Variants in METTL16 observed in about 807,000 individuals in gnomAD.
METTL16 encodes the protein RNA N(6)-adenosine-methyltransferase METTL16.
In METTL16, 19 loss-of-function variants were observed where a neutral mutation model predicts 57.9. The ratio of observed to expected loss-of-function variants is 0.33; its 90% CI spans 0.23 to 0.48. The LOEUF is 0.48. Ranked by LOEUF, METTL16 falls within the 20% of genes least tolerant of loss-of-function variation. The probability of loss-of-function intolerance (pLI) is 0.99; values close to 1 mark genes in which losing one functional copy is unlikely to be tolerated. For synonymous variants in METTL16, 246 were observed against 255.6 expected (o/e 0.96, Z 0.36); for missense variants, 434 against 691.5 (o/e 0.63, Z 4.18).
At chr17:2,494,876 T>A (rs897796090) in intron 2 of METTL16, among the ~76,000 whole-genome samples, 3 of 151,962 alleles carry the variant, frequency 2.0e-5, no homozygotes, top group African/African-American at 7.3e-5. Context: ...CGTGCACCTG[T>A]AGTCCCAGAT....
intron 2 of METTL16, among the ~76,000 whole-genome samples, chr17:2,500,197 A>T (rs2067477171): frequency 6.6e-6 from 1 of 152,198 alleles, no homozygotes; most frequent in African/African-American, 2.4e-5. Flanking sequence ...CTCCATTTCT[A>T]AAGCTATAAG....
At position 2,468,845 on chromosome 17, in the gene METTL16, G is replaced by A. The variant is rs189266121; in HGVS notation, c.470-969C>T. On this transcript the variant is annotated intron_variant, in intron 4 of 9. Coordinates refer to ENST00000263092, the MANE Select transcript of METTL16 (RefSeq NM_024086.4). ...TGAGGCTGCAGCGAGCCATGATCACGCCACGGCACACCGGCATGGATGACA... is the reference window on the plus strand; with the variant it reads ...TGAGGCTGCAGCGAGCCATGATCACACCACGGCACACCGGCATGGATGACA... Among the ~76,000 whole-genome samples the A allele has an allele frequency of 3.4e-3, 523 of 152,222 alleles. 10 individuals carry two copies. Among genetic ancestry groups the A allele is most frequent in the Non-Finnish European group, 7.4e-4 (50 of 68,014 alleles).
chr17:2,471,975 G>A (rs930567543), intron 4 of METTL16, among the ~76,000 whole-genome samples: 2 of 151,598 alleles, frequency 1.3e-5, no homozygotes, highest in Admixed American at 6.6e-5. Context: ...TTAGCTGGGC[G>A]TGGTGGCAGG....
At chr17:2,474,386 G>GAAAAAAAAAGAAAAAAAAA (rs2067255495) in intron 3 of METTL16, among the ~76,000 whole-genome samples, 1 of 60,228 alleles carries the variant, frequency 1.7e-5, no homozygotes, top group Non-Finnish European at 4.0e-5. Context: ...GAAACAAAAA[G>GAAAAAAAAAGAAAAAAAAA]AAAAAAAAAA....
At chr17:2,467,300 G>A (rs1360295604) in intron 5 of METTL16, among the ~76,000 whole-genome samples, 2 of 152,266 alleles carry the variant, frequency 1.3e-5, no homozygotes, top group South Asian at 4.1e-4. Flanking sequence ...GACTGCTTGA[G>A]TCCGGATGTT....
chr17:2,488,738 T>A (rs2067362092), intron 2 of METTL16, among the ~76,000 whole-genome samples: 2 of 152,176 alleles, frequency 1.3e-5, no homozygotes, highest in Non-Finnish European at 2.9e-5. Context: ...CATGAAAAGG[T>A]TCTAGAAATC....
intron 6 of METTL16, among the ~76,000 whole-genome samples, chr17:2,451,016 G>C (rs2067064949): frequency 6.6e-6 from 1 of 152,008 alleles, no homozygotes; most frequent in Non-Finnish European, 1.5e-5. Flanking sequence ...ATTGAAGACT[G>C]GCAATCTGGT....
At chr17:2,501,496 T>C (rs538544951) in intron 2 of METTL16, among the ~76,000 whole-genome samples, 1 of 152,254 alleles carries the variant, frequency 6.6e-6, no homozygotes, top group South Asian at 2.1e-4. Flanking sequence ...AATAATAATA[T>C]CTGTGAAATC....
In METTL16 at chr17:2,420,196, T is replaced by G. The variant is rs1392585439; in HGVS notation, c.1463A>C (p.Gln488Pro). Residue 488 changes from glutamine to proline, a missense_variant, in exon 10 of 10, where the codon CAG becomes CCG. Around this residue, in one of 5 missense-constraint regions of METTL16, gnomAD observed 168 missense variants for 149.6 expected, o/e 1.12. Transcript: ENST00000263092. This position sits in a 1 kb window ranked among gnomAD's most constrained non-coding sequence, Gnocchi z 5.4. ...GAACTGCTCAGAAGCCTCTTGGTCC[T>G]GGGCTCCGTTGCTAGAGCCTTGACA... ...ESCQGSSNGA[Q>P]DQEASEQFGS... The G allele has an allele frequency of 6.2e-7, 1 of 1,614,234 alleles. No individual in the cohort carries two copies. Among genetic ancestry groups the G allele is most frequent in the Non-Finnish European group, 8.5e-7 (1 of 1,180,032 alleles).
chr17:2,473,406 G>A, intron 4 of METTL16, 118 bp downstream of exon 4: 1 of 1,137,766 alleles, frequency 8.8e-7, no homozygotes, highest in Non-Finnish European at 1.2e-6. Context: ...ATTACAAAGT[G>A]CCAGATTTTT....
At chr17:2,472,767 T>C (rs1357308045) in intron 4 of METTL16, among the ~76,000 whole-genome samples, 1 of 152,176 alleles carries the variant, frequency 6.6e-6, no homozygotes, top group African/African-American at 2.4e-5. Context: ...TACTGTATGA[T>C]TCCAATTATA....
At chr17:2,434,731 T>C (rs1006018834) in intron 8 of METTL16, among the ~76,000 whole-genome samples, 1 of 152,172 alleles carries the variant, frequency 6.6e-6, no homozygotes, top group Non-Finnish European at 1.5e-5. Context: ...AGCTCCAACA[T>C]GCACAAAGTT....
chr17:2,447,206 A>C (rs528796504), intron 6 of METTL16, among the ~76,000 whole-genome samples: 2,030 of 144,100 alleles, frequency 0.014, 24 homozygotes, highest in Non-Finnish European at 0.018. Flanking sequence ...CCATCGTCTG[A>C]GATGTGGGGA....
intron 6 of METTL16, among the ~76,000 whole-genome samples, chr17:2,442,833 T>C (rs1371394818): frequency 6.9e-6 from 1 of 144,214 alleles, no homozygotes; most frequent in Non-Finnish European, 1.5e-5. Context: ...ACTTCAATAG[T>C]TCTTTTTTTT....
intron 6 of METTL16, among the ~76,000 whole-genome samples, chr17:2,444,011 G>T (rs76411464): frequency 0.012 from 1,768 of 152,290 alleles, 48 homozygotes; most frequent in African/African-American, 0.04. Context: ...ATTGCTAAAA[G>T]ATTAGACTTA....
rs1225863174 is a variant in METTL16 at position 2,416,621 on chromosome 17, A to C, written c.*3349T>G. On this transcript the variant is annotated 3_prime_UTR_variant, in exon 10 of 10. Transcript: ENST00000263092. ...GAGGCAAAGCAGATTCCGAAGAACA[A>C]AAGCAGCTTTAGTTTGCCTGGGCAA... 1 of 152,266 alleles carries C rather than the reference A, an allele frequency of 6.6e-6. No homozygotes were observed. Among genetic ancestry groups the C allele is most frequent in the African/African-American group, 2.4e-5 (1 of 41,448 alleles). 9.4% of individuals were successfully genotyped at this position (152,266 alleles called of 1,614,324 possible).
intron 3 of METTL16, among the ~76,000 whole-genome samples, chr17:2,475,890 T>G (rs575726737): frequency 6.6e-6 from 1 of 152,312 alleles, no homozygotes; most frequent in African/African-American, 2.4e-5. Flanking sequence ...TTTAGAGGGT[T>G]TGGGGCATAA....
Position 2,508,093 on chromosome 17 carries a change from C to T in METTL16, c.-1+3666G>A, listed in dbSNP as rs946858105. Among the ~76,000 whole-genome samples the T allele has an allele frequency of 4.0e-5, 6 of 149,968 alleles. No individual in the cohort carries two copies. In the East Asian group the frequency reaches 5.9e-4, roughly 15 times the overall value. On this transcript the variant is annotated intron_variant, in intron 1 of 9. Coordinates refer to ENST00000263092, the MANE Select transcript of METTL16 (RefSeq NM_024086.4). ...TTGTCCTGTGACCCTGCCAAATCCC[C>T]CTCTGCGAGAAACACCCAAGAATGA...
intron 8 of METTL16, among the ~76,000 whole-genome samples, chr17:2,424,813 C>T (rs1322482878): frequency 7.9e-5 from 12 of 151,886 alleles, no homozygotes; most frequent in Non-Finnish European, 1.3e-4. Flanking sequence ...CCAGGCGTGG[C>T]GGCACACGCC....
Sources: allele counts gnomAD v4.1 joint callset (sites outside exome capture counted in the v4.1 genomes callset), GRCh38; gene constraint gnomAD v4.1.1; regional missense constraint gnomAD v4.1.1; non-coding constraint Gnocchi (gnomAD v3.1); transcripts MANE v1.5; gene names NCBI Gene and HGNC (gene_info 2026-07-23, HGNC 2026-07-21).